ARHGEF28: variants seen among roughly 807,000 people sequenced by gnomAD.
The protein encoded by ARHGEF28 is 190 kDa guanine nucleotide exchange factor.
In ARHGEF28, 152 loss-of-function variants were observed where a neutral mutation model predicts 206.6. The ratio of observed to expected loss-of-function variants is 0.74; its 90% CI spans 0.64 to 0.84. The LOEUF is 0.84. Among genes scored for constraint, ARHGEF28 ranks in the 40% least tolerant of loss-of-function variants. The pLI is 0.00. For missense variants in ARHGEF28, 2,028 were observed against 2,073.2 expected, an observed-to-expected ratio of 0.98 and a Z score of 0.42; for synonymous variants, 763 against 776.4, an observed-to-expected ratio of 0.98 and a Z score of 0.29.
chr5:73,932,614 TCC>T (rs1276543910), intron 35 of ARHGEF28, among the ~76,000 whole-genome samples: 1 of 152,156 alleles, frequency 6.6e-6, no homozygotes, highest in East Asian at 1.9e-4. Flanking sequence ...AATTTTAATA[TCC>T]TTTCTAAACA....
chr5:73,828,692 C>G (rs1370644810), intron 9 of ARHGEF28, among the ~76,000 whole-genome samples: 2 of 142,760 alleles, frequency 1.4e-5, no homozygotes, highest in Non-Finnish European at 3.1e-5. Flanking sequence ...TTCTCTTTCT[C>G]TTTCTTTCTC....
At position 73,901,236 on chromosome 5, in the gene ARHGEF28, G is replaced by C; in HGVS notation, c.4026G>C (p.Gly1342=). The change falls in exon 31 of 36, where the codon GGG becomes GGC. Residue 1342 remains glycine (G), a synonymous_variant. Transcript: ENST00000513042. ...EGRGCSDVDP[G]IQGVVTDLAV... The stretch of plus-strand genomic sequence containing the variant: ...GAGGCTGTTCGGATGTGGATCCCGG[G>C]ATCCAGGGTGTGGTAACCGACTTGG... 6.2e-7 allele frequency: 1 copy of C among 1,613,506 alleles called. No individual in the cohort carries two copies. Among genetic ancestry groups the C allele is most frequent in the Non-Finnish European group, 8.5e-7 (1 of 1,179,678 alleles).
chr5:73,749,942 G>A lies in ARHGEF28; in HGVS notation c.139G>A (p.Ala47Thr). The change falls in exon 3 of 36, where the codon GCA becomes ACA. Residue 47 changes from alanine (A) to threonine (T), a missense_variant. Transcript: ENST00000513042. The part of the protein sequence containing the change: ...DGSHQRHVMI[A>T]ERIEDNVLQS... ...ATCTCATCAGCGACATGTCATGATT[G>A]CAGAGCGCATCGAGGATAACGTTCT... 6.2e-7 allele frequency: 1 copy of A among 1,613,994 alleles called. No homozygotes were observed. Among genetic ancestry groups the A allele is most frequent in the Non-Finnish European group, 8.5e-7 (1 of 1,179,886 alleles).
chr5:73,857,676 A>G lies in ARHGEF28; in HGVS notation c.1811A>G (p.Asp604Gly). The G allele has an allele frequency of 6.3e-7, 1 of 1,588,350 alleles. No individual in the cohort carries two copies. The highest frequency in any genetic ancestry group is 8.6e-7 in the Non-Finnish European group (1 of 1,165,986). ...RENRIQEEEW[D>G]KYIIPAKSES... ...TGTAGAATTCAGGAAGAAGAATGGG[A>G]TAAATACATCATACCTGCCAAATCA... The change falls in exon 15 of 36, where the codon GAT (aspartate) becomes GGT (glycine). Residue 604 changes from aspartate (D) to glycine (G), a missense_variant. Physicochemically the swap from Asp to Gly is moderately conservative, Grantham distance 94 (BLOSUM62 -1). This residue lies in a region of ARHGEF28 where 1,002 missense variants were observed against 1,015.3 expected (regional missense o/e 0.99). Transcript: ENST00000513042.
At chr5:73,661,307 TA>T (rs1208560104) in intron 1 of ARHGEF28, among the ~76,000 whole-genome samples, 2 of 152,320 alleles carry the variant, frequency 1.3e-5, no homozygotes, top group Non-Finnish European at 2.9e-5. Context: ...ATGGAAGAGT[TA>T]GGGCTTTGCT....
At chr5:73,925,922 G>A (rs1419879298) in intron 35 of ARHGEF28, among the ~76,000 whole-genome samples, 1 of 152,158 alleles carries the variant, frequency 6.6e-6, no homozygotes, top group East Asian at 1.9e-4. Flanking sequence ...TCTTGTACAG[G>A]ATTTTGTGAA....
At chr5:73,823,547 AGTT>A (rs1756718595) in intron 9 of ARHGEF28, among the ~76,000 whole-genome samples, 1 of 152,168 alleles carries the variant, frequency 6.6e-6, no homozygotes, top group Non-Finnish European at 1.5e-5. Context: ...GTATCTTGAA[AGTT>A]GTTGTACTCT....
intron 35 of ARHGEF28, among the ~76,000 whole-genome samples, chr5:73,938,165 C>T (rs1764525151): frequency 7.6e-6 from 1 of 131,924 alleles, no homozygotes; most frequent in African/African-American, 3.5e-5. Context: ...CTACACCACA[C>T]ACACACACAC....
At chr5:73,745,215 G>A (rs777210397) in intron 2 of ARHGEF28, among the ~76,000 whole-genome samples, 1 of 151,974 alleles carries the variant, frequency 6.6e-6, no homozygotes, top group African/African-American at 2.4e-5. Flanking sequence ...TTTATAATGG[G>A]AGGGAAGAAA....
chr5:73,639,257 TC>T (rs1743919633), intron 1 of ARHGEF28, among the ~76,000 whole-genome samples: 2 of 148,694 alleles, frequency 1.3e-5, no homozygotes, highest in South Asian at 4.2e-4. Flanking sequence ...TATATATACA[TC>T]CTTTTTTTTA....
intron 11 of ARHGEF28, among the ~76,000 whole-genome samples, chr5:73,845,307 C>A (rs1390083311): frequency 6.6e-6 from 1 of 152,132 alleles, no homozygotes. Flanking sequence ...TGAGCCACTG[C>A]GCCCAGCCTC....
chr5:73,773,960 T>C lies in ARHGEF28; in HGVS notation c.581T>C (p.Leu194Ser). 1 of 1,607,564 alleles carries C rather than the reference T, an allele frequency of 6.2e-7. No homozygotes were observed. The highest frequency in any genetic ancestry group is 8.5e-7 in the Non-Finnish European group (1 of 1,176,876). Residue 194 changes from leucine to serine, a missense_variant, in exon 5 of 36, where the codon TTA (leucine) becomes TCA (serine). Coordinates refer to ENST00000513042, the MANE Select transcript of ARHGEF28 (RefSeq NM_001177693.2). ...CLPGGVQALALPNEEGATPLD... is the reference protein window; with the variant it reads ...CLPGGVQALASPNEEGATPLD... The stretch of plus-strand genomic sequence containing the variant: ...CCGGGGGGAGTCCAGGCCTTGGCTT[T>C]ACCCAACGAAGAGGGTGCCACACCA...
chr5:73,684,554 T>G (rs951758220), intron 1 of ARHGEF28, among the ~76,000 whole-genome samples: 1 of 152,230 alleles, frequency 6.6e-6, no homozygotes, highest in Non-Finnish European at 1.5e-5. Context: ...AAATTTCTGT[T>G]TGAGTCCCTG....
chr5:73,726,807 C>T (rs1428335979), intron 2 of ARHGEF28, among the ~76,000 whole-genome samples: 5 of 152,150 alleles, frequency 3.3e-5, no homozygotes, highest in South Asian at 2.1e-4. Context: ...CTTTTTTTCC[C>T]GCTGCCCAAC....
At chr5:73,758,690 G>T (rs1752440682) in intron 4 of ARHGEF28, among the ~76,000 whole-genome samples, 1 of 152,056 alleles carries the variant, frequency 6.6e-6, no homozygotes, top group Admixed American at 6.6e-5. Flanking sequence ...TGAGTAGCTG[G>T]GATTACAGGT....
intron 21 of ARHGEF28, among the ~76,000 whole-genome samples, chr5:73,870,780 C>T (rs1291944603): frequency 1.3e-5 from 2 of 152,162 alleles, no homozygotes; most frequent in Admixed American, 6.5e-5. Flanking sequence ...GGGATGAAGG[C>T]ATTCTGGATT....
chr5:73,663,695 T>G (rs1178660127), intron 1 of ARHGEF28, among the ~76,000 whole-genome samples: 1 of 152,230 alleles, frequency 6.6e-6, no homozygotes, highest in Non-Finnish European at 1.5e-5. Context: ...ACCTTGTATT[T>G]CTTCATGCCC....
At chr5:73,740,418 TTAG>T (rs1751313876) in intron 2 of ARHGEF28, among the ~76,000 whole-genome samples, 1 of 152,170 alleles carries the variant, frequency 6.6e-6, no homozygotes, top group Non-Finnish European at 1.5e-5. Flanking sequence ...ACACCATCTC[TTAG>T]TAGTGCTTGT....
Position 73,913,050 on chromosome 5 carries a change from A to G in ARHGEF28, c.4948+1475A>G, listed in dbSNP as rs1224373660. ...AAAACTTTTTAAACCATTTGGCAGC[A>G]TACTTGCAGTAGATAGAAAATGTAC... On this transcript the variant is annotated intron_variant, in intron 35 of 35. Transcript: ENST00000513042. Among the ~76,000 whole-genome samples the G allele has an allele frequency of 2.0e-5, 3 of 152,372 alleles. No homozygotes were observed. The East Asian group carries it at 5.8e-4, about 29-fold the overall frequency.
Sources: gnomAD v4.1 joint callset for allele counts (sites outside exome capture counted in the v4.1 genomes callset) on GRCh38, gnomAD v4.1.1 for gene constraint, gnomAD v4.1.1 regional missense constraint, MANE v1.5 for transcripts, NCBI Gene and HGNC (gene_info 2026-07-23, HGNC 2026-07-21) for gene names.